C9: variants seen among roughly 807,000 people sequenced by gnomAD.
C9 encodes the protein complement C9.
In C9, 63 loss-of-function variants were observed where a neutral mutation model predicts 65.4. The ratio of observed to expected loss-of-function variants is 0.96; its 90% CI spans 0.79 to 1.19. The LOEUF is 1.19. Ranked by LOEUF, C9 falls within the 50% of genes most tolerant of loss-of-function variation. The probability of loss-of-function intolerance (pLI) is 0.00; values close to 1 mark genes in which losing one functional copy is unlikely to be tolerated. For missense variants in C9, 744 were observed against 670.1 expected (o/e 1.11, Z -1.22); for synonymous variants, 229 against 227.9 (o/e 1.00, Z -0.04).
intron 1 of C9, among the ~76,000 whole-genome samples, chr5:39,345,071 C>G (rs371086591): frequency 1.3e-5 from 2 of 151,974 alleles, no homozygotes; most frequent in South Asian, 4.2e-4. Context: ...AAAAACATGG[C>G]AAATTGTAAA....
chr5:39,341,830 ACTGATGTTATTTAGGG>A (rs1754092489), intron 2 of C9, 130 bp from the exon 3 acceptor site: 1 of 894,936 alleles, frequency 1.1e-6, no homozygotes, highest in Non-Finnish European at 1.8e-6. Flanking sequence ...GGAAGAAGTC[ACTGATGTTATTTAGGG>A]TAACACTCTG....
At chr5:39,357,765 G>A (rs13356884) in intron 1 of C9, among the ~76,000 whole-genome samples, 7,755 of 152,208 alleles carry the variant, frequency 0.051, 593 homozygotes, top group East Asian at 0.2. Flanking sequence ...CCCATCAAAA[G>A]TAGGGTTTAT....
At chr5:39,314,786 C>T (rs967369281) in intron 6 of C9, among the ~76,000 whole-genome samples, 9 of 152,226 alleles carry the variant, frequency 5.9e-5, no homozygotes, top group Non-Finnish European at 1.2e-4. Context: ...ATGCCACCTA[C>T]AGGCATCCCT....
chr5:39,285,216 A>C lies in C9; in HGVS notation c.1663T>G (p.Phe555Val). 1 of 1,612,944 alleles carries C rather than the reference A, an allele frequency of 6.2e-7. No individual in the cohort carries two copies. Among genetic ancestry groups the C allele is most frequent in the Non-Finnish European group, 8.5e-7 (1 of 1,179,164 alleles). ...CAACAGCTCTATTTTTCATTGGGGA[A>C]CTCTAGGGCTGGCAATCCTAGAGAA... ...KISEGLPALE[F>V]PNEK The change falls in exon 11 of 11, where the codon TTC (phenylalanine) becomes GTC (valine). Residue 555 changes from phenylalanine to valine, a missense_variant. Phe to Val is a conservative substitution (Grantham distance 50). Transcript: ENST00000263408.
intron 7 of C9, among the ~76,000 whole-genome samples, chr5:39,309,602 A>G (rs1753444035): frequency 6.6e-6 from 1 of 152,154 alleles, no homozygotes; most frequent in African/African-American, 2.4e-5. Context: ...TCTGAAGATG[A>G]GGGTGAAAGA....
At chr5:39,299,419 C>T (rs1753243851) in intron 9 of C9, among the ~76,000 whole-genome samples, 1 of 151,992 alleles carries the variant, frequency 6.6e-6, no homozygotes, top group African/African-American at 2.4e-5. Flanking sequence ...CGTCTGGGAA[C>T]AAATAAATGT....
intron 4 of C9, 124 bp downstream of exon 4, chr5:39,341,022 A>G: frequency 9.3e-7 from 1 of 1,080,914 alleles, no homozygotes; most frequent in Non-Finnish European, 1.4e-6. Context: ...CAAAAATAAT[A>G]CAGACCCATC....
chr5:39,301,961 A>G lies in C9; in HGVS notation c.1416+4656T>C, dbSNP rs553457843. Among the ~76,000 whole-genome samples, 8 of 152,170 alleles carry G rather than the reference A, an allele frequency of 5.3e-5. No individual in the cohort carries two copies. The South Asian group carries it at 1.7e-3, about 32-fold the overall frequency. On this transcript the variant is annotated intron_variant, in intron 9 of 10. Coordinates refer to ENST00000263408, the MANE Select transcript of C9 (RefSeq NM_001737.5). ...AACAACATAGGCATGTGGTAGAATT[A>G]TTTTGATTTTTTTTTAAAGAAATTC... is the stretch of plus-strand genomic sequence containing the variant.
chr5:39,356,681 A>G (rs1256230014), intron 1 of C9, among the ~76,000 whole-genome samples: 5 of 152,258 alleles, frequency 3.3e-5, no homozygotes, highest in Non-Finnish European at 7.3e-5. Flanking sequence ...GAGAATAACA[A>G]GTCATGCAAA....
intron 1 of C9, among the ~76,000 whole-genome samples, chr5:39,355,446 C>A (rs1754398639): frequency 8.3e-6 from 1 of 120,332 alleles, no homozygotes. Flanking sequence ...GCTTCTAACC[C>A]AAGGACTCCT....
chr5:39,336,654 G>T (rs878874148), intron 4 of C9, among the ~76,000 whole-genome samples: 4 of 152,048 alleles, frequency 2.6e-5, no homozygotes, highest in Admixed American at 2.0e-4. Context: ...CATTCATGGT[G>T]CTAGGAAGAG....
intron 8 of C9, 106 bp from the exon 9 acceptor site, chr5:39,306,898 C>A (rs986100842): frequency 2.7e-6 from 2 of 735,260 alleles, no homozygotes; most frequent in African/African-American, 1.8e-5. Flanking sequence ...TAGTAAAATA[C>A]AGCCTAATGT....
intron 1 of C9, among the ~76,000 whole-genome samples, chr5:39,363,782 T>C (rs1450409109): frequency 1.3e-5 from 2 of 152,180 alleles, no homozygotes; most frequent in Non-Finnish European, 2.9e-5. Context: ...CAATTCCGAT[T>C]AGGATCAGAG....
At chr5:39,360,819 G>A (rs1346333785) in intron 1 of C9, among the ~76,000 whole-genome samples, 1 of 152,060 alleles carries the variant, frequency 6.6e-6, no homozygotes, top group East Asian at 1.9e-4. Flanking sequence ...AAGGCTGTGA[G>A]AAACAAGTAC....
chr5:39,294,384 C>A (rs1253731583), intron 9 of C9, among the ~76,000 whole-genome samples: 3 of 151,544 alleles, frequency 2.0e-5, no homozygotes, highest in Admixed American at 1.3e-4. Context: ...ATAGAGATAT[C>A]ACAACAGATA....
At chr5:39,305,480 A>G (rs1217811987) in intron 9 of C9, among the ~76,000 whole-genome samples, 1 of 152,202 alleles carries the variant, frequency 6.6e-6, no homozygotes, top group Admixed American at 6.5e-5. Flanking sequence ...ACTCAAGTTA[A>G]TCAAACTGGA....
At chr5:39,325,550 G>T (rs141646247) in intron 5 of C9, among the ~76,000 whole-genome samples, 4,476 of 152,118 alleles carry the variant, frequency 0.029, 201 homozygotes, top group African/African-American at 0.099. Context: ...CGAGGCAGGC[G>T]GATCATGATG....
At chr5:39,362,516 C>T (rs925321570) in intron 1 of C9, among the ~76,000 whole-genome samples, 3 of 152,148 alleles carry the variant, frequency 2.0e-5, no homozygotes, top group Non-Finnish European at 4.4e-5. Context: ...TTCTAACCTC[C>T]AGAACTGTGA....
chr5:39,300,704 T>G (rs954520788), intron 9 of C9, among the ~76,000 whole-genome samples: 1 of 152,086 alleles, frequency 6.6e-6, no homozygotes, highest in Non-Finnish European at 1.5e-5. Flanking sequence ...TTTGGTAATA[T>G]GCCTTAAAAT....
Sources: allele counts gnomAD v4.1 joint callset (sites outside exome capture counted in the v4.1 genomes callset), GRCh38; gene constraint gnomAD v4.1.1; transcripts MANE v1.5; gene names NCBI Gene and HGNC (gene_info 2026-07-23, HGNC 2026-07-21).